The following BAHCC1 variants were observed in gnomAD, a reference collection of about 807,000 sequenced individuals.
The protein encoded by BAHCC1 is BAH and coiled-coil domain-containing protein 1.
Under a neutral mutation model 88.2 loss-of-function variants are expected in BAHCC1, and 43 were observed. The ratio of observed to expected loss-of-function variants is 0.49; its 90% CI spans 0.38 to 0.63. The LOEUF is 0.63. Ranked by LOEUF, BAHCC1 falls within the 20% of genes least tolerant of loss-of-function variation. The probability of loss-of-function intolerance (pLI) is 0.00; values close to 1 mark genes in which losing one functional copy is unlikely to be tolerated. For missense variants in BAHCC1, 3,023 were observed against 1,654.8 expected (o/e 1.83, Z -14.34); for synonymous variants, 1,510 against 745.5 (o/e 2.03, Z -16.71).
intron 2 of BAHCC1, among the ~76,000 whole-genome samples, chr17:81,410,729 C>A (rs12938984): frequency 2.0e-5 from 3 of 152,024 alleles, no homozygotes; most frequent in Non-Finnish European, 2.9e-5. Flanking sequence ...AGAGAGCTTC[C>A]CAGTGGCAGA....
Position 81,442,287 on chromosome 17 carries a change from G to C in BAHCC1, c.938G>C (p.Gly313Ala), listed in dbSNP as rs1480251510. The C allele has an allele frequency of 8.0e-6, 5 of 628,590 alleles. No individual in the cohort carries two copies. The South Asian group carries it at 9.2e-5, about 12-fold the overall frequency. The allele number at this position is 628,590 out of a possible 1,614,324, so 38.9% of individuals were successfully genotyped here. The change falls in exon 5 of 28, where the codon GGG becomes GCG. Residue 313 changes from glycine to alanine, a missense_variant. By Grantham distance (60) the Gly-to-Ala change is moderately conservative. Coordinates refer to ENST00000675386, the MANE Select transcript of BAHCC1 (RefSeq NM_001377448.1). The part of the protein sequence containing the change: ...AGGMLGRPGT[G>A]VVTSGRCAKE... ...GGCATGCTGGGGCGGCCTGGCACGG[G>C]GGTGGTGACCTCCGGGCGCTGTGCA...
chr17:81,418,404 C>T (rs1555649038), intron 2 of BAHCC1, among the ~76,000 whole-genome samples: 2 of 152,186 alleles, frequency 1.3e-5, no homozygotes, highest in African/African-American at 4.8e-5. Context: ...GGTCTCACTG[C>T]CCCAGGAGAC....
Position 81,458,644 on chromosome 17 carries a change from C to T in BAHCC1, c.5367C>T (p.Ile1789=). 1.4e-6 allele frequency: 1 copy of T among 718,736 alleles called. No homozygotes were observed. Among genetic ancestry groups the T allele is most frequent in the South Asian group, 1.5e-5 (1 of 67,676 alleles). 44.5% of individuals were successfully genotyped at this position (718,736 alleles called of 1,614,324 possible). Residue 1789 remains isoleucine, a synonymous_variant, in exon 19 of 28, where the codon ATC becomes ATT. Coordinates refer to ENST00000675386, the MANE Select transcript of BAHCC1 (RefSeq NM_001377448.1). ...AGCGGAAGAACGGGGCCCTGTCCAT[C>T]ACGCTGGCCACACGCAACGCCAAGG... is the stretch of plus-strand genomic sequence containing the variant. The part of the protein sequence containing the change: ...VLRRKNGALS[I]TLATRNAKAI...
Position 81,442,142 on chromosome 17 carries a change from G to T in BAHCC1, c.793G>T (p.Gly265Cys), listed in dbSNP as rs1181742336. 1.5e-6 allele frequency: 1 copy of T among 661,496 alleles called. No individual in the cohort carries two copies. Among genetic ancestry groups the T allele is most frequent in the Non-Finnish European group, 2.7e-6 (1 of 364,310 alleles). 41.0% of individuals were successfully genotyped at this position (661,496 alleles called of 1,614,324 possible). A position where few individuals can be genotyped will look rare whatever the true frequency, so the allele number is the denominator to read the frequency against. ...PVPADGHCRE[G>C]GPAPRGACEG... ...GCCAGCCGACGGGCACTGCAGGGAG[G>T]GCGGCCCCGCACCCCGAGGGGCCTG... Residue 265 changes from glycine to cysteine, a missense_variant, in exon 5 of 28, where the codon GGC (glycine) becomes TGC (cysteine). Transcript: ENST00000675386.
At chr17:81,447,878 G>A (rs375044407) in intron 11 of BAHCC1, 30 bp downstream of exon 11, 11 of 715,194 alleles carry the variant, frequency 1.5e-5, no homozygotes, top group Non-Finnish European at 2.6e-5. Flanking sequence ...CCACCCCCCA[G>A]AGTCCCAGCA....
At chr17:81,414,481 G>A (rs1271331684) in intron 2 of BAHCC1, among the ~76,000 whole-genome samples, 3 of 152,264 alleles carry the variant, frequency 2.0e-5, no homozygotes, top group South Asian at 2.1e-4. Context: ...CGGACCTCCC[G>A]TCTGGGCCCC....
At chr17:81,444,615 C>A (rs1555653798) in intron 7 of BAHCC1, 47 bp downstream of exon 7, 1 of 752,938 alleles carries the variant, frequency 1.3e-6, no homozygotes, top group South Asian at 1.4e-5. Flanking sequence ...ATGAGGGTTC[C>A]CTCCTGGTCC....
chr17:81,423,246 A>G (rs2064136407), intron 2 of BAHCC1, among the ~76,000 whole-genome samples: 1 of 151,770 alleles, frequency 6.6e-6, no homozygotes, highest in South Asian at 2.1e-4. Context: ...TTGAGTCCAC[A>G]TGGCTGCGTT....
chr17:81,407,041 G>A, intron 2 of BAHCC1: 2 of 454,726 alleles, frequency 4.4e-6, no homozygotes, highest in Non-Finnish European at 8.9e-6. Context: ...CCAAGAAAAA[G>A]TCCAGTGTCT....
intron 2 of BAHCC1, among the ~76,000 whole-genome samples, chr17:81,420,565 C>T (rs1321767460): frequency 3.3e-5 from 5 of 152,232 alleles, no homozygotes; most frequent in Admixed American, 3.3e-4. Context: ...TGGCCACAGC[C>T]CTCCTGGTGT....
intron 16 of BAHCC1, among the ~76,000 whole-genome samples, chr17:81,456,813 C>T (rs2064757948): frequency 6.6e-6 from 1 of 152,064 alleles, no homozygotes; most frequent in African/African-American, 2.4e-5. Flanking sequence ...GCATGCCTCA[C>T]CCCCATGTCA....
intron 2 of BAHCC1, among the ~76,000 whole-genome samples, chr17:81,418,810 C>CGTGT (rs70938163): frequency 0.14 from 20,046 of 146,090 alleles, 1,444 homozygotes; most frequent in Middle Eastern, 0.24. Flanking sequence ...TGTGTGTGTA[C>CGTGT]GTGTGTGTGT....
At chr17:81,453,512 A>G (rs1055587765) in intron 14 of BAHCC1, among the ~76,000 whole-genome samples, 4 of 152,244 alleles carry the variant, frequency 2.6e-5, no homozygotes, top group Non-Finnish European at 5.9e-5. Flanking sequence ...GCTTCATGTC[A>G]CAAAACATTA....
In BAHCC1 at chr17:81,464,216, T is replaced by G. The variant is rs1390505993; in HGVS notation, c.*399T>G. The G allele has an allele frequency of 1.9e-5, 5 of 268,676 alleles. No individual in the cohort carries two copies. The highest frequency in any genetic ancestry group is 6.5e-5 in the African/African-American group (3 of 45,984). 16.6% of individuals were successfully genotyped at this position (268,676 alleles called of 1,614,324 possible). A position where few individuals can be genotyped will look rare whatever the true frequency, so the allele number is the denominator to read the frequency against. On this transcript the variant is annotated 3_prime_UTR_variant, in exon 28 of 28. Transcript: ENST00000675386. ...TATTTATTTCTCTATGTAAATATTG[T>G]ATTTCTGCGGGGAAATTTTATGGTA...
intron 14 of BAHCC1, among the ~76,000 whole-genome samples, chr17:81,453,053 T>A (rs1251535655): frequency 6.6e-6 from 1 of 152,074 alleles, no homozygotes; most frequent in Non-Finnish European, 1.5e-5. Flanking sequence ...TTTGCCCTTC[T>A]GGCAGCTCCC....
chr17:81,452,704 T>A lies in BAHCC1; in HGVS notation c.4317-19T>A. On this transcript the variant is annotated intron_variant, in intron 13 of 27. Transcript: ENST00000675386. ...TGGGTTGTGCATGAGCCTCTGACCATCCCCCCTGCGGCCCCCAGGAGAGAC... is the reference window on the plus strand; with the variant it reads ...TGGGTTGTGCATGAGCCTCTGACCAACCCCCCTGCGGCCCCCAGGAGAGAC... 1.4e-6 allele frequency: 1 copy of A among 737,170 alleles called. No individual in the cohort carries two copies. Among genetic ancestry groups the A allele is most frequent in the Non-Finnish European group, 2.5e-6 (1 of 400,936 alleles). 45.7% of individuals were successfully genotyped at this position (737,170 alleles called of 1,614,324 possible).
intron 2 of BAHCC1, among the ~76,000 whole-genome samples, chr17:81,424,333 C>G (rs1555649986): frequency 6.6e-6 from 1 of 152,220 alleles, no homozygotes; most frequent in African/African-American, 2.4e-5. Flanking sequence ...CCTCATGTAT[C>G]ACCTTGACCT....
intron 2 of BAHCC1, chr17:81,402,131 C>CG (rs1197955593): frequency 2.0e-5 from 3 of 152,192 alleles, no homozygotes; most frequent in Non-Finnish European, 4.4e-5. Context: ...GGAGGCCCCT[C>CG]GGGGCTGCCT....
chr17:81,413,177 C>T, intron 2 of BAHCC1: 1 of 422,626 alleles, frequency 2.4e-6, no homozygotes, highest in Non-Finnish European at 4.8e-6. Context: ...GTCGGGACCC[C>T]ACCCGTGGCT....
Sources: gnomAD v4.1 joint callset for allele counts (sites outside exome capture counted in the v4.1 genomes callset) on GRCh38, gnomAD v4.1.1 for gene constraint, MANE v1.5 for transcripts, NCBI Gene and HGNC (gene_info 2026-07-23, HGNC 2026-07-21) for gene names.